The following DGKD variants were observed in gnomAD, a reference collection of about 807,000 sequenced individuals.
The protein encoded by DGKD is diacylglycerol kinase delta.
DGKD carries 68 observed loss-of-function variants against 154.4 expected under a neutral mutation model. The observed-to-expected ratio is 0.44, with a 90% CI of 0.36 to 0.54. The LOEUF is 0.54. Ranked by LOEUF, DGKD falls within the 20% of genes least tolerant of loss-of-function variation. The pLI is 0.00. For missense variants in DGKD, 1,343 were observed against 1,593.6 expected, an observed-to-expected ratio of 0.84 and a Z score of 2.68; for synonymous variants, 693 against 638.0, an observed-to-expected ratio of 1.09 and a Z score of -1.30.
At chr2:233,413,192 G>A (rs2061870250) in intron 3 of DGKD, among the ~76,000 whole-genome samples, 1 of 152,182 alleles carries the variant, frequency 6.6e-6, no homozygotes, top group Non-Finnish European at 1.5e-5. Context: ...GAGGCTAGGA[G>A]TTCAAGACTG....
chr2:233,408,050 T>TG (rs2061729639), intron 3 of DGKD, among the ~76,000 whole-genome samples: 2 of 151,702 alleles, frequency 1.3e-5, no homozygotes, highest in African/African-American at 2.4e-5. Flanking sequence ...AACTGTTTTT[T>TG]TTTTTTTTTT....
intron 1 of DGKD, among the ~76,000 whole-genome samples, chr2:233,381,508 G>A (rs1470515393): frequency 9.2e-5 from 14 of 152,174 alleles, no homozygotes; most frequent in Admixed American, 7.9e-4. Context: ...CCTCAGTTTC[G>A]TAATGTGTAA....
chr2:233,390,272 A>G (rs1470369426), intron 2 of DGKD, 131 bp from the exon 3 acceptor site: 4 of 549,088 alleles, frequency 7.3e-6, no homozygotes, highest in African/African-American at 3.9e-5. Context: ...ATTGGATGCT[A>G]CAGTTTCAAG....
chr2:233,410,093 T>G (rs2061789360), intron 3 of DGKD, among the ~76,000 whole-genome samples: 1 of 152,184 alleles, frequency 6.6e-6, no homozygotes, highest in South Asian at 2.1e-4. Context: ...GTGCTGGGAT[T>G]ACAGGTGTGA....
intron 1 of DGKD, among the ~76,000 whole-genome samples, chr2:233,364,577 A>C (rs1393435541): frequency 1.3e-5 from 2 of 152,228 alleles, no homozygotes; most frequent in African/African-American, 4.8e-5. Flanking sequence ...ATATTAGACA[A>C]GTCAGGGATG....
At chr2:233,408,926 C>T (rs1182131022) in intron 3 of DGKD, 1 of 152,238 alleles carries the variant, frequency 6.6e-6, no homozygotes, top group Admixed American at 6.5e-5. Flanking sequence ...AAGGCAGCAC[C>T]TGCTTCTGCA....
chr2:233,434,955 G>T, intron 5 of DGKD, 54 bp downstream of exon 5: 1 of 1,573,084 alleles, frequency 6.4e-7, no homozygotes, highest in South Asian at 1.1e-5. Flanking sequence ...CATTTTACTT[G>T]ATAAAGCCTT....
chr2:233,429,585 T>A (rs1446080094), intron 3 of DGKD, among the ~76,000 whole-genome samples: 1 of 152,002 alleles, frequency 6.6e-6, no homozygotes, highest in Non-Finnish European at 1.5e-5. Context: ...CTCCACGCTG[T>A]GAGTTCTGTG....
At position 233,354,611 on chromosome 2, in the gene DGKD, G is replaced by T. The variant is rs926341232; in HGVS notation, c.93G>T (p.Ala31=). ...PEESSDSEPE[A]EPGSPQKLIR... ...AGTCGTCCGACAGCGAGCCCGAGGC[G>T]GAGCCCGGCTCCCCACAGAAGCTCA... Residue 31 remains alanine, a synonymous_variant, in exon 1 of 30, where the codon GCG becomes GCT. Transcript: ENST00000264057. This position sits in a 1 kb window ranked among gnomAD's most constrained non-coding sequence, Gnocchi z 4.8. 3.5e-6 allele frequency: 4 copies of T among 1,127,892 alleles called. No homozygotes were observed. Among genetic ancestry groups the T allele is most frequent in the Non-Finnish European group, 4.4e-6 (4 of 903,876 alleles). The allele number at this position is 1,127,892 out of a possible 1,614,324, so 69.9% of individuals were successfully genotyped here.
In DGKD at chr2:233,444,386, C is replaced by G. The variant is rs189341601; in HGVS notation, c.1195-1237C>G. On this transcript the variant is annotated intron_variant, in intron 10 of 29. Coordinates refer to ENST00000264057, the MANE Select transcript of DGKD (RefSeq NM_152879.3). ...CGGGGCATTTCTGCCTGTGCACCCC[C>G]CAAGCACGATGCTTCTGGGAAAAGT... Among the ~76,000 whole-genome samples, 4 of 151,972 alleles carry G rather than the reference C, an allele frequency of 2.6e-5. No individual in the cohort carries two copies. The East Asian group carries it at 7.8e-4, about 30-fold the overall frequency.
rs370697235 is a variant in DGKD, at chr2:233,467,072, A to G, written c.3307-14A>G. On this transcript the variant is annotated splice_polypyrimidine_tract_variant and intron_variant, in intron 27 of 29. Coordinates refer to ENST00000264057, the MANE Select transcript of DGKD (RefSeq NM_152879.3). Reference sequence around the variant, plus strand: ...TGCAGCCTGATTCTCAGTATTCCTCATTCTCCCCAACAGAGTGTGATGCTG... The same window carrying G: ...TGCAGCCTGATTCTCAGTATTCCTCGTTCTCCCCAACAGAGTGTGATGCTG... The G allele has an allele frequency of 5.8e-5, 93 of 1,602,766 alleles. No homozygotes were observed. The highest frequency in any genetic ancestry group is 7.9e-5 in the Non-Finnish European group (93 of 1,169,844).
rs1701455653 is a variant in DGKD at position 233,354,706 on chromosome 2, G to A, written c.156+32G>A. 3.1e-6 allele frequency: 3 copies of A among 978,552 alleles called. No homozygotes were observed. Among genetic ancestry groups the A allele is most frequent in the Non-Finnish European group, 3.6e-6 (3 of 826,478 alleles). 60.6% of individuals were successfully genotyped at this position (978,552 alleles called of 1,614,324 possible). On this transcript the variant is annotated intron_variant, in intron 1 of 29. Coordinates refer to ENST00000264057, the MANE Select transcript of DGKD (RefSeq NM_152879.3). The surrounding 1 kb of genome is among the most constrained non-coding windows in gnomAD (Gnocchi z 4.8). The stretch of plus-strand genomic sequence containing the variant: ...CCGCGGCGCGGCGGCCCGGGCGCGC[G>A]CCCCTCACGCCGCGGCAGCCCCGGC...
chr2:233,433,075 C>T (rs999260256), intron 3 of DGKD, among the ~76,000 whole-genome samples: 2 of 152,218 alleles, frequency 1.3e-5, no homozygotes, highest in African/African-American at 4.8e-5. Context: ...TGTGATCCAG[C>T]AATCCCACTG....
Position 233,432,900 on chromosome 2 carries a change from C to CT in DGKD, c.349-1478dup, listed in dbSNP as rs1239447755. Among the ~76,000 whole-genome samples, 7 of 152,280 alleles carry CT rather than the reference C, an allele frequency of 4.6e-5. No individual in the cohort carries two copies. In the East Asian group the frequency reaches 1.4e-3, roughly 29 times the overall value. ...AATAAAAATTACAATGAGATAATGT[C>CT]TTACCCCAGTTACAATGACTTTTAT... On this transcript the variant is annotated intron_variant, in intron 3 of 29. Transcript: ENST00000264057.
At chr2:233,409,322 C>T (rs528424573) in intron 3 of DGKD, among the ~76,000 whole-genome samples, 55 of 152,274 alleles carry the variant, frequency 3.6e-4, no homozygotes, top group African/African-American at 1.2e-3. Context: ...AGTTGAGAGA[C>T]TGTCATTGGA....
chr2:233,452,190 G>A lies in DGKD; in HGVS notation c.2264+130G>A. The stretch of plus-strand genomic sequence containing the variant: ...CTGGTGGTAGCTGATAAGGAAGGCT[G>A]AGAAGTCGTGGAGATTCCACTTAAG... On this transcript the variant is annotated intron_variant, in intron 18 of 29. Transcript: ENST00000264057. This position sits in a 1 kb window ranked among gnomAD's most constrained non-coding sequence, Gnocchi z 4.0. The A allele has an allele frequency of 1.2e-6, 1 of 845,562 alleles. No homozygotes were observed. The allele number at this position is 845,562 out of a possible 1,614,324, so 52.4% of individuals were successfully genotyped here. A position where few individuals can be genotyped will look rare whatever the true frequency, so the allele number is the denominator to read the frequency against.
At chr2:233,391,416 C>CG (rs1246975939) in intron 3 of DGKD, among the ~76,000 whole-genome samples, 2 of 151,862 alleles carry the variant, frequency 1.3e-5, no homozygotes, top group East Asian at 3.8e-4. Flanking sequence ...TTTTTTCCCC[C>CG]CCCAGGACAA....
At chr2:233,428,563 G>A (rs1335141729) in intron 3 of DGKD, among the ~76,000 whole-genome samples, 1 of 152,204 alleles carries the variant, frequency 6.6e-6, no homozygotes, top group African/African-American at 2.4e-5. Context: ...AACAAGGCTA[G>A]GATGCGACAC....
chr2:233,374,441 T>C (rs1174621397), intron 1 of DGKD, among the ~76,000 whole-genome samples: 2 of 152,120 alleles, frequency 1.3e-5, no homozygotes, highest in African/African-American at 2.4e-5. Flanking sequence ...CTCAGGTGAT[T>C]TTCCTGTCTT....
Sources: allele counts gnomAD v4.1 joint callset (sites outside exome capture counted in the v4.1 genomes callset), GRCh38; gene constraint gnomAD v4.1.1; non-coding constraint Gnocchi (gnomAD v3.1); transcripts MANE v1.5; gene names NCBI Gene and HGNC (gene_info 2026-07-23, HGNC 2026-07-21).